RRM2: variants seen among roughly 807,000 people sequenced by gnomAD.
RRM2 encodes the protein ribonucleotide reductase regulatory subunit M2.
RRM2 carries 6 observed loss-of-function variants against 45.9 expected under a neutral mutation model. The observed-to-expected ratio is 0.13, with a 90% CI of 0.07 to 0.26. The LOEUF is 0.26. Among genes scored for constraint, RRM2 ranks in the 10% least tolerant of loss-of-function variants. The probability of loss-of-function intolerance (pLI) is 1.00; values close to 1 mark genes in which losing one functional copy is unlikely to be tolerated. For missense variants in RRM2, 343 were observed against 489.5 expected (o/e 0.70, Z 2.82); for synonymous variants, 177 against 173.0 (o/e 1.02, Z -0.18).
chr2:10,210,159 TC>T (rs1664732117), intron 3 of RRM2: 1 of 395,406 alleles, frequency 2.5e-6, no homozygotes, highest in African/African-American at 2.1e-5. Context: ...TGTGGACCTT[TC>T]TCCCTCATGG....
chr2:10,149,316 A>G (rs1182035274), intron 3 of RRM2, among the ~76,000 whole-genome samples: 1 of 151,840 alleles, frequency 6.6e-6, no homozygotes. Context: ...TTTAGTAGAG[A>G]TGGTGTTTTG....
intron 3 of RRM2, among the ~76,000 whole-genome samples, chr2:10,152,995 C>A (rs186332896): frequency 6.6e-6 from 1 of 152,262 alleles, no homozygotes; most frequent in East Asian, 1.9e-4. Flanking sequence ...CAGCATTATT[C>A]ACATTAGCCA....
chr2:10,204,212 C>T lies in RRM2; in HGVS notation n.483-6099C>T, dbSNP rs1349071858. On this transcript the variant is annotated intron_variant and non_coding_transcript_variant, in intron 3 of 3. Transcript: ENST00000381786. This position sits in a 1 kb window ranked among gnomAD's most constrained non-coding sequence, Gnocchi z 4.0. ...CCTGGGGCCTGGCTTCGTCCAACAGCAGAGCCCAACCTCCAGGGCAGACTG... is the reference window on the plus strand; with the variant it reads ...CCTGGGGCCTGGCTTCGTCCAACAGTAGAGCCCAACCTCCAGGGCAGACTG... Among the ~76,000 whole-genome samples, 3 of 152,112 alleles carry T rather than the reference C, an allele frequency of 2.0e-5. No homozygotes were observed. Among genetic ancestry groups the T allele is most frequent in the Non-Finnish European group, 4.4e-5 (3 of 68,028 alleles).
intron 3 of RRM2, chr2:10,145,467 C>A (rs1367925823): frequency 1.3e-5 from 2 of 152,252 alleles, no homozygotes; most frequent in African/African-American, 4.8e-5. Flanking sequence ...GTTCTATGAA[C>A]AATGCTGTTT....
Position 10,171,301 on chromosome 2 carries a change from C to A in RRM2, n.482+28926C>A, listed in dbSNP as rs1368345795. Among the ~76,000 whole-genome samples the A allele has an allele frequency of 6.6e-6, 1 of 152,236 alleles. No individual in the cohort carries two copies. Among genetic ancestry groups the A allele is most frequent in the Non-Finnish European group, 1.5e-5 (1 of 68,040 alleles). ...AAGACAAACACAGAGCAACTCCTTGCTAACAGCCATGCAGTACCAAGCAAG... is the reference window on the plus strand; with the variant it reads ...AAGACAAACACAGAGCAACTCCTTGATAACAGCCATGCAGTACCAAGCAAG... On this transcript the variant is annotated intron_variant and non_coding_transcript_variant, in intron 3 of 3. Coordinates refer to the RRM2 transcript ENST00000381786. The surrounding 1 kb of genome is among the most constrained non-coding windows in gnomAD (Gnocchi z 4.1).
intron 3 of RRM2, among the ~76,000 whole-genome samples, chr2:10,150,677 C>T (rs189344806): frequency 6.6e-6 from 1 of 151,352 alleles, no homozygotes; most frequent in African/African-American, 2.4e-5. Flanking sequence ...TGTTTCTTAC[C>T]TCCACTCCCA....
intron 3 of RRM2, among the ~76,000 whole-genome samples, chr2:10,178,727 T>C (rs1315532052): frequency 6.6e-6 from 1 of 152,240 alleles, no homozygotes; most frequent in East Asian, 1.9e-4. Context: ...ATTTGAATGT[T>C]GGTGCCCTCC....
At chr2:10,199,779 C>CAAAA (rs796262395) in intron 3 of RRM2, among the ~76,000 whole-genome samples, 12 of 14,284 alleles carry the variant, frequency 8.4e-4, no homozygotes, top group Non-Finnish European at 1.4e-3. Context: ...GACTCAGTCT[C>CAAAA]AAAAAAAAAA....
At position 10,165,492 on chromosome 2, in the gene RRM2, C is replaced by T. The variant is rs950787671; in HGVS notation, n.482+23117C>T. On this transcript the variant is annotated intron_variant and non_coding_transcript_variant, in intron 3 of 3. Transcript: ENST00000381786. Reference sequence around the variant, plus strand: ...AAGCCAACAGGGGTGAGGACCACGGCGCAGGGGCCACATTTAACCGGCTGG... The same window carrying T: ...AAGCCAACAGGGGTGAGGACCACGGTGCAGGGGCCACATTTAACCGGCTGG... Among the ~76,000 whole-genome samples, 17 of 152,344 alleles carry T rather than the reference C, an allele frequency of 1.1e-4. No homozygotes were observed. The South Asian group carries it at 1.7e-3, about 15-fold the overall frequency.
rs569430314 is a variant in RRM2 at position 10,209,236 on chromosome 2, T to C, written n.483-1075T>C. On this transcript the variant is annotated intron_variant and non_coding_transcript_variant, in intron 3 of 3. Transcript: ENST00000381786. ...CCACGCATGGCTAATTTTTGTATTT[T>C]TAGTAGGGGTGGGGTTTCACCATGT... Among the ~76,000 whole-genome samples, 146 of 152,076 alleles carry C rather than the reference T, an allele frequency of 9.6e-4. 3 individuals are homozygous for C. The highest frequency in any genetic ancestry group is 2.8e-4 in the Non-Finnish European group (19 of 67,992).
rs756420033 is a variant in RRM2, at chr2:10,204,901, C to A, written n.483-5410C>A. Among the ~76,000 whole-genome samples the A allele has an allele frequency of 6.6e-6, 1 of 152,168 alleles. No homozygotes were observed. Among genetic ancestry groups the A allele is most frequent in the African/African-American group, 2.4e-5 (1 of 41,426 alleles). The stretch of plus-strand genomic sequence containing the variant: ...TCGCCAAGACCAGCCAGGTGCAGAC[C>A]TTGGGTGGGTCCTATGGGGTCCTAC... On this transcript the variant is annotated intron_variant and non_coding_transcript_variant, in intron 3 of 3. Coordinates refer to the RRM2 transcript ENST00000381786. This position sits in a 1 kb window ranked among gnomAD's most constrained non-coding sequence, Gnocchi z 4.0.
At chr2:10,189,553 C>G (rs1664241618) in intron 3 of RRM2, among the ~76,000 whole-genome samples, 1 of 152,232 alleles carries the variant, frequency 6.6e-6, no homozygotes. Context: ...AAGCAGACCA[C>G]AGTGGCTGCT....
chr2:10,177,721 C>G (rs560436676), intron 3 of RRM2, among the ~76,000 whole-genome samples: 2 of 145,158 alleles, frequency 1.4e-5, no homozygotes, highest in South Asian at 4.6e-4. Context: ...CTCCCTCCCT[C>G]CCTCCCTCTC....
intron 3 of RRM2, among the ~76,000 whole-genome samples, chr2:10,207,980 G>T (rs1205721622): frequency 6.6e-6 from 1 of 151,890 alleles, no homozygotes; most frequent in Non-Finnish European, 1.5e-5. Context: ...TGCCACCCTA[G>T]AATTTCCCTT....
intron 3 of RRM2, among the ~76,000 whole-genome samples, chr2:10,147,994 G>A (rs10202672): frequency 0.63 from 95,044 of 151,566 alleles, 30,296 homozygotes; most frequent in African/African-American, 0.7. Flanking sequence ...AAAATACAAA[G>A]TTAGCCAGGC....
At chr2:10,179,428 G>T (rs1433790606) in intron 3 of RRM2, among the ~76,000 whole-genome samples, 3 of 152,214 alleles carry the variant, frequency 2.0e-5, no homozygotes, top group Non-Finnish European at 4.4e-5. Flanking sequence ...TGGGATTACA[G>T]ATGTGAGCCA....
intron 3 of RRM2, among the ~76,000 whole-genome samples, chr2:10,150,480 G>GTTTC (rs1426078120): frequency 6.8e-6 from 1 of 147,064 alleles, no homozygotes; most frequent in Non-Finnish European, 1.5e-5. Flanking sequence ...TTTGCATCCT[G>GTTTC]TTTCTCTTTC....
chr2:10,149,000 T>C (rs1467955737), intron 3 of RRM2, among the ~76,000 whole-genome samples: 1 of 152,210 alleles, frequency 6.6e-6, no homozygotes, highest in Non-Finnish European at 1.5e-5. Context: ...CACCTTTCCA[T>C]TTCATCATGA....
intron 3 of RRM2, among the ~76,000 whole-genome samples, chr2:10,189,385 A>G (rs899374224): frequency 1.3e-5 from 2 of 152,222 alleles, no homozygotes; most frequent in African/African-American, 4.8e-5. Context: ...AGCCAGTGCC[A>G]TTTAGAAACT....
Sources: gnomAD v4.1 joint callset for allele counts (sites outside exome capture counted in the v4.1 genomes callset) on GRCh38, gnomAD v4.1.1 for gene constraint, Gnocchi (gnomAD v3.1) non-coding constraint, MANE v1.5 for transcripts, NCBI Gene and HGNC (gene_info 2026-07-23, HGNC 2026-07-21) for gene names.